Variants in NDUFA5 observed in about 807,000 individuals in gnomAD.
NDUFA5 encodes the protein NADH dehydrogenase [ubiquinone] 1 alpha subcomplex subunit 5.
A neutral mutation model predicts 19.8 loss-of-function variants in NDUFA5; 11 were observed. The ratio of observed to expected loss-of-function variants is 0.56; its 90% confidence interval spans 0.35 to 0.92. NDUFA5 has a LOEUF of 0.92. Ranked by LOEUF, NDUFA5 falls within the 40% of genes least tolerant of loss-of-function variation. The pLI is 0.01. For synonymous variants in NDUFA5, 47 were observed against 46.8 expected, an observed-to-expected ratio of 1.00 and a Z score of -0.01; for missense variants, 109 against 134.2, an observed-to-expected ratio of 0.81 and a Z score of 0.93.
At chr7:123,547,894 C>T (rs865793022) in intron 3 of NDUFA5, among the ~76,000 whole-genome samples, 4 of 152,036 alleles carry the variant, frequency 2.6e-5, no homozygotes, top group African/African-American at 4.8e-5. Context: ...TAAGCTTTTA[C>T]GTGCATTACC....
chr7:123,570,635 T>G, the NDUFA5 span, among the ~76,000 whole-genome samples: 1 of 152,176 alleles, frequency 6.6e-6, no homozygotes, highest in Non-Finnish European at 1.5e-5. Context: ...CTTGACAAAT[T>G]ATAGGCCTTA....
chr7:123,578,444 C>T, the NDUFA5 span, among the ~76,000 whole-genome samples: 1 of 151,826 alleles, frequency 6.6e-6, no homozygotes, highest in Non-Finnish European at 1.5e-5. Context: ...ACCCCTCTTT[C>T]CTCCTTCTAC....
At chr7:123,559,036 G>C (rs1359684964), upstream of NDUFA5, among the ~76,000 whole-genome samples, 25 of 151,950 alleles carry the variant, frequency 1.6e-4, no homozygotes, top group Admixed American at 1.6e-3. Context: ...CCAGGAATTG[G>C]TTCCCTAAAA....
the NDUFA5 span, among the ~76,000 whole-genome samples, chr7:123,593,171 A>C: frequency 1.3e-5 from 2 of 152,030 alleles, no homozygotes; most frequent in African/African-American, 4.8e-5. Context: ...GTGTCTTTGC[A>C]TGTGAGATGG....
At chr7:123,561,528 A>G (rs917987859), upstream of NDUFA5, among the ~76,000 whole-genome samples, 3 of 152,028 alleles carry the variant, frequency 2.0e-5, no homozygotes, top group East Asian at 3.8e-4. Context: ...CAACCCCTCA[A>G]AGTCATCCAT....
At chr7:123,549,553 G>T (rs1049622563) in intron 3 of NDUFA5, among the ~76,000 whole-genome samples, 1 of 152,202 alleles carries the variant, frequency 6.6e-6, no homozygotes, top group African/African-American at 2.4e-5. Flanking sequence ...AAGGCAGGAA[G>T]GTCACTTGAA....
upstream of NDUFA5, among the ~76,000 whole-genome samples, chr7:123,561,649 G>A (rs918135947): frequency 1.3e-5 from 2 of 152,044 alleles, no homozygotes; most frequent in African/African-American, 4.8e-5. Flanking sequence ...CCAGGCTGGA[G>A]TGCAGTGGCA....
upstream of NDUFA5, among the ~76,000 whole-genome samples, chr7:123,562,799 T>C (rs1314097957): frequency 3.0e-5 from 1 of 33,718 alleles, no homozygotes; most frequent in African/African-American, 1.5e-4. Context: ...TCTTTCTTTC[T>C]TTTTTTTTTT....
chr7:123,572,268 C>T, the NDUFA5 span, among the ~76,000 whole-genome samples: 34 of 149,072 alleles, frequency 2.3e-4, no homozygotes, highest in Admixed American at 1.9e-3. Context: ...CAGCCTCCTA[C>T]GTAGCTGGGA....
intron 4 of NDUFA5, 48 bp from the exon 5 acceptor site, chr7:123,542,268 A>T: frequency 7.2e-7 from 1 of 1,385,722 alleles, no homozygotes; most frequent in Non-Finnish European, 1.0e-6. Context: ...ACTCTTCAAC[A>T]GATATTTATC....
chr7:123,567,443 T>C, the NDUFA5 span, among the ~76,000 whole-genome samples: 9 of 152,196 alleles, frequency 5.9e-5, no homozygotes, highest in Non-Finnish European at 1.0e-4. Flanking sequence ...GTGATGCCTC[T>C]AGCCTATCCA....
At chr7:123,552,347 G>A (rs1164257566) in intron 2 of NDUFA5, among the ~76,000 whole-genome samples, 1 of 152,124 alleles carries the variant, frequency 6.6e-6, no homozygotes, top group African/African-American at 2.4e-5. Flanking sequence ...GGAAATGGAT[G>A]AAGCTGGAAA....
chr7:123,540,933 C>CA lies in NDUFA5; in HGVS notation c.*1185dup, dbSNP rs1797923862. Reference sequence around the variant, plus strand: ...ACACACACACACACACACACACACACACGTATACACAAAACCCCACAAGAG... The same window carrying CA: ...ACACACACACACACACACACACACACAACGTATACACAAAACCCCACAAGAG... On this transcript the variant is annotated 3_prime_UTR_variant, in exon 5 of 5. Coordinates refer to ENST00000355749, the MANE Select transcript of NDUFA5 (RefSeq NM_005000.5). 6.6e-6 allele frequency: 1 copy of CA among 150,992 alleles called. No individual in the cohort carries two copies. Among genetic ancestry groups the CA allele is most frequent in the Non-Finnish European group, 1.5e-5 (1 of 68,068 alleles). The allele number at this position is 150,992 out of a possible 1,614,324, so 9.4% of individuals were successfully genotyped here.
chr7:123,559,096 G>A (rs1029656454), upstream of NDUFA5, among the ~76,000 whole-genome samples: 33 of 151,920 alleles, frequency 2.2e-4, no homozygotes, highest in African/African-American at 7.0e-4. Flanking sequence ...AAAAAAGAGA[G>A]AAGATTTAAT....
chr7:123,575,802 C>T, the NDUFA5 span, among the ~76,000 whole-genome samples: 1 of 145,344 alleles, frequency 6.9e-6, no homozygotes, highest in Non-Finnish European at 1.5e-5. Context: ...TTTAACCTGG[C>T]AGCATGAAGT....
At chr7:123,585,067 C>A in the NDUFA5 span, 1 of 151,548 alleles carries the variant, frequency 6.6e-6, no homozygotes, top group African/African-American at 2.4e-5. Context: ...GATCTTCCCT[C>A]CCAAATAAAA....
chr7:123,559,606 C>A (rs993024391), upstream of NDUFA5, among the ~76,000 whole-genome samples: 4 of 152,010 alleles, frequency 2.6e-5, no homozygotes, highest in African/African-American at 9.7e-5. Context: ...CCTGTAATCC[C>A]AGCACTTTGG....
chr7:123,550,002 C>T (rs567449120), intron 3 of NDUFA5: 6 of 153,228 alleles, frequency 3.9e-5, no homozygotes, highest in East Asian at 3.9e-4. Context: ...GAAAATTTAA[C>T]AATAGTACAA....
At chr7:123,594,028 T>C in the NDUFA5 span, among the ~76,000 whole-genome samples, 2 of 152,096 alleles carry the variant, frequency 1.3e-5, no homozygotes, top group East Asian at 3.9e-4. Flanking sequence ...TTTCACTAAT[T>C]TGATCATCAA....
Sources: allele counts gnomAD v4.1 joint callset (sites outside exome capture counted in the v4.1 genomes callset), GRCh38; gene constraint gnomAD v4.1.1; transcripts MANE v1.5; gene names NCBI Gene and HGNC (gene_info 2026-07-23, HGNC 2026-07-21).